Variants in MYRIP observed in about 807,000 individuals in gnomAD.
MYRIP encodes rab effector MyRIP.
In MYRIP, 49 loss-of-function variants were observed where a neutral mutation model predicts 98.0. The ratio of observed to expected loss-of-function variants is 0.50; its 90% confidence interval spans 0.40 to 0.63. The LOEUF (loss-of-function observed/expected upper bound fraction) is 0.63. MYRIP is among the 30% of genes least tolerant of loss of function. The probability of loss-of-function intolerance (pLI) is 0.00; values close to 1 mark genes in which losing one functional copy is unlikely to be tolerated. For missense variants in MYRIP, 1,004 were observed against 1,058.2 expected, an observed-to-expected ratio of 0.95 and a Z score of 0.71; for synonymous variants, 404 against 409.5, an observed-to-expected ratio of 0.99 and a Z score of 0.16.
intron 2 of MYRIP, among the ~76,000 whole-genome samples, chr3:39,994,786 C>A (rs995233317): frequency 6.6e-6 from 1 of 152,198 alleles, no homozygotes; most frequent in Non-Finnish European, 1.5e-5. Context: ...GGAGGCACCC[C>A]CCAGTAGGGG....
chr3:40,196,581 T>A (rs1483634850), intron 10 of MYRIP, among the ~76,000 whole-genome samples: 2 of 152,246 alleles, frequency 1.3e-5, no homozygotes, highest in Admixed American at 6.5e-5. Context: ...ACATAATTGC[T>A]AATGTTGGGA....
At chr3:40,102,632 G>C (rs1948967775) in intron 3 of MYRIP, among the ~76,000 whole-genome samples, 1 of 152,032 alleles carries the variant, frequency 6.6e-6, no homozygotes, top group Non-Finnish European at 1.5e-5. Flanking sequence ...GATGTCCCTG[G>C]GAAACTGTGG....
chr3:39,851,195 T>G (rs1942120379), intron 1 of MYRIP, among the ~76,000 whole-genome samples: 1 of 152,092 alleles, frequency 6.6e-6, no homozygotes, highest in Admixed American at 6.5e-5. Context: ...TAGTTGCCAA[T>G]AATCTATGAT....
At chr3:40,143,711 T>C (rs1949956077) in intron 3 of MYRIP, among the ~76,000 whole-genome samples, 1 of 152,244 alleles carries the variant, frequency 6.6e-6, no homozygotes, top group South Asian at 2.1e-4. Context: ...ATGTGACATT[T>C]TGATATATAT....
chr3:40,204,097 ATATAT>A (rs1349457002), intron 10 of MYRIP, among the ~76,000 whole-genome samples: 3 of 22,450 alleles, frequency 1.3e-4, no homozygotes, highest in African/African-American at 2.7e-4. Flanking sequence ...ATATTATATA[ATATAT>A]TATATAATAT....
intron 7 of MYRIP, 131 bp downstream of exon 7, chr3:40,167,370 T>G (rs1186272761): frequency 4.8e-6 from 4 of 837,634 alleles, no homozygotes; most frequent in Non-Finnish European, 7.6e-6. Flanking sequence ...CACTTTAGAC[T>G]TTTGTGCCCT....
chr3:40,032,143 T>A (rs1198666448), intron 2 of MYRIP, among the ~76,000 whole-genome samples: 1 of 152,130 alleles, frequency 6.6e-6, no homozygotes, highest in Non-Finnish European at 1.5e-5. Flanking sequence ...TAAATTTCCC[T>A]CTACACACTG....
chr3:39,845,762 C>G (rs1941944515), intron 1 of MYRIP, among the ~76,000 whole-genome samples: 1 of 150,146 alleles, frequency 6.7e-6, no homozygotes, highest in Admixed American at 6.7e-5. Flanking sequence ...TTTTTCTAAG[C>G]ACAGATACTG....
chr3:39,907,532 GCACCACAT>G (rs1242733718), intron 2 of MYRIP, among the ~76,000 whole-genome samples: 1 of 152,144 alleles, frequency 6.6e-6, no homozygotes, highest in Non-Finnish European at 1.5e-5. Flanking sequence ...TGGAAACATG[GCACCACAT>G]GATGGAGAGA....
intron 11 of MYRIP, among the ~76,000 whole-genome samples, chr3:40,218,612 T>TATATATATATATA (rs1553629190): frequency 7.4e-5 from 1 of 13,570 alleles, no homozygotes; most frequent in African/African-American, 1.3e-4. Context: ...TATATATATT[T>TATATATATATATA]TATATATATA....
At chr3:40,095,737 G>A (rs1444029792) in intron 3 of MYRIP, among the ~76,000 whole-genome samples, 1 of 151,530 alleles carries the variant, frequency 6.6e-6, no homozygotes, top group Non-Finnish European at 1.5e-5. Context: ...TGCCTCCCTC[G>A]ATTCTGCCCT....
intron 2 of MYRIP, among the ~76,000 whole-genome samples, chr3:39,939,340 G>A (rs369897746): frequency 1.3e-5 from 2 of 152,284 alleles, no homozygotes; most frequent in East Asian, 3.9e-4. Context: ...CAACACTCTA[G>A]AGTGATCTGG....
chr3:39,837,594 T>A (rs531925741), intron 1 of MYRIP, among the ~76,000 whole-genome samples: 1 of 152,218 alleles, frequency 6.6e-6, no homozygotes, highest in Non-Finnish European at 1.5e-5. Flanking sequence ...TTGGTACCAG[T>A]ACCATGCTGT....
chr3:39,962,702 G>A (rs1443579929), intron 2 of MYRIP, among the ~76,000 whole-genome samples: 18 of 152,070 alleles, frequency 1.2e-4, no homozygotes, highest in Admixed American at 1.2e-3. Context: ...CCTTGAATGA[G>A]CATGTAAAGG....
intron 3 of MYRIP, among the ~76,000 whole-genome samples, chr3:40,150,201 C>T (rs143527336): frequency 7.8e-4 from 119 of 152,268 alleles, no homozygotes; most frequent in Non-Finnish European, 1.3e-3. Flanking sequence ...AGCGATTCTC[C>T]TGCCTCAGCC....
intron 2 of MYRIP, among the ~76,000 whole-genome samples, chr3:39,956,851 C>T (rs181432306): frequency 2.0e-5 from 3 of 151,828 alleles, no homozygotes; most frequent in East Asian, 3.9e-4. Context: ...GGGGATATCA[C>T]CACCGATCCC....
chr3:39,995,840 C>T (rs967811079), intron 2 of MYRIP, among the ~76,000 whole-genome samples: 21 of 152,130 alleles, frequency 1.4e-4, no homozygotes, highest in Non-Finnish European at 2.4e-4. Context: ...CTGATCTCTT[C>T]GCAGAAACTC....
intron 1 of MYRIP, among the ~76,000 whole-genome samples, chr3:39,815,941 T>C (rs1019495603): frequency 3.9e-5 from 6 of 151,910 alleles, no homozygotes; most frequent in African/African-American, 1.4e-4. Flanking sequence ...TTCTTTTTTA[T>C]ATCCTCTTTA....
At chr3:39,901,920 A>T (rs946386475) in intron 2 of MYRIP, among the ~76,000 whole-genome samples, 4 of 152,178 alleles carry the variant, frequency 2.6e-5, no homozygotes, top group Non-Finnish European at 1.5e-5. Flanking sequence ...ATAAAGTCTG[A>T]GGTACTCCGA....
Sources: allele counts gnomAD v4.1 joint callset (sites outside exome capture counted in the v4.1 genomes callset), GRCh38; gene constraint gnomAD v4.1.1; transcripts MANE v1.5; gene names NCBI Gene and HGNC (gene_info 2026-07-23, HGNC 2026-07-21).